Variants in VPS33B observed in about 807,000 individuals in gnomAD.
VPS33B encodes VPS33B late endosome and lysosome associated.
A neutral mutation model predicts 95.3 loss-of-function variants in VPS33B; 80 were observed. The ratio of observed to expected loss-of-function variants is 0.84; its 90% confidence interval spans 0.70 to 1.01. The LOEUF is 1.01. Ranked by LOEUF, VPS33B falls within the 50% of genes least tolerant of loss-of-function variation. The pLI is 0.00. For synonymous variants in VPS33B, 280 were observed against 280.4 expected (o/e 1.00, Z 0.01); for missense variants, 715 against 773.4 (o/e 0.92, Z 0.90).
rs1048349074 is a variant in VPS33B at position 91,007,506 on chromosome 15, G to A, written c.566C>T (p.Pro189Leu). The change falls in exon 8 of 23, where the codon CCC becomes CTC. Residue 189 changes from proline (P) to leucine (L), a missense_variant. Pro to Leu is a moderately conservative substitution (Grantham distance 98). Coordinates refer to ENST00000333371, the MANE Select transcript of VPS33B (RefSeq NM_018668.5). This position sits in a 1 kb window ranked among gnomAD's most constrained non-coding sequence, Gnocchi z 5.3. ...ALHLLSTLYG[P>L]FPNCYGIGRC... Reference sequence around the variant, plus strand: ...GCCAATTCCATAGCAGTTTGGAAAGGGTCCATAGAGAGTGCTGAGAAGGTG... The same window carrying A: ...GCCAATTCCATAGCAGTTTGGAAAGAGTCCATAGAGAGTGCTGAGAAGGTG... The A allele has an allele frequency of 1.9e-6, 3 of 1,614,072 alleles. No individual in the cohort carries two copies. The highest frequency in any genetic ancestry group is 1.3e-5 in the African/African-American group (1 of 74,910).
Position 91,015,551 on chromosome 15 carries a change from G to C in VPS33B, c.240-1118C>G, listed in dbSNP as rs570297968. Among the ~76,000 whole-genome samples the C allele has an allele frequency of 6.6e-6, 1 of 151,910 alleles. No homozygotes were observed. Among genetic ancestry groups the C allele is most frequent in the Non-Finnish European group, 1.5e-5 (1 of 67,980 alleles). On this transcript the variant is annotated intron_variant, in intron 3 of 22. Coordinates refer to ENST00000333371, the MANE Select transcript of VPS33B (RefSeq NM_018668.5). This position sits in a 1 kb window ranked among gnomAD's most constrained non-coding sequence, Gnocchi z 4.7. ...AAAAATTAGCTGGGCAAGGTGGCAGGCGCCTGTAATCACAGCTACTTGGGA... is the reference window on the plus strand; with the variant it reads ...AAAAATTAGCTGGGCAAGGTGGCAGCCGCCTGTAATCACAGCTACTTGGGA...
rs1311052826 is a variant in VPS33B, at chr15:91,011,943, T to C, written c.357+1861A>G. On this transcript the variant is annotated intron_variant, in intron 5 of 22. Coordinates refer to ENST00000333371, the MANE Select transcript of VPS33B (RefSeq NM_018668.5). The surrounding 1 kb of genome is among the most constrained non-coding windows in gnomAD (Gnocchi z 5.5). ...GGCGGAGGTTGCAGTGAGTCGAGATTGCGGCACTGCACTCCAGTCTGGGTG... is the reference window on the plus strand; with the variant it reads ...GGCGGAGGTTGCAGTGAGTCGAGATCGCGGCACTGCACTCCAGTCTGGGTG... 6.6e-6 allele frequency among the ~76,000 whole-genome samples: 1 copy of C among 151,854 alleles called. No individual in the cohort carries two copies. The highest frequency in any genetic ancestry group is 1.5e-5 in the Non-Finnish European group (1 of 67,992).
rs2040388761 is a variant in VPS33B, at chr15:90,999,976, C to T, written c.1582-1G>A. On this transcript the variant is annotated splice_acceptor_variant, in intron 20 of 22. Coordinates refer to ENST00000333371, the MANE Select transcript of VPS33B (RefSeq NM_018668.5). LOFTEE classifies it high-confidence loss of function. The surrounding 1 kb of genome is among the most constrained non-coding windows in gnomAD (Gnocchi z 5.1). ...CCTGCCAGCTTCGCCGCTCTAGCAC[C>T]TGGGAAGGTGTAAGCACTGTTTTTA... The T allele has an allele frequency of 6.2e-7, 1 of 1,614,076 alleles. No individual in the cohort carries two copies. Among genetic ancestry groups the T allele is most frequent in the African/African-American group, 1.3e-5 (1 of 74,948 alleles).
chr15:91,012,635 G>A (rs2040813079), intron 5 of VPS33B, among the ~76,000 whole-genome samples: 1 of 152,158 alleles, frequency 6.6e-6, no homozygotes, highest in Admixed American at 6.5e-5. Flanking sequence ...TCTACCTTCT[G>A]TAAGTATGCA....
At position 91,005,949 on chromosome 15, in the gene VPS33B, G is replaced by C; in HGVS notation, c.939+24C>G. 6.2e-7 allele frequency: 1 copy of C among 1,613,652 alleles called. No homozygotes were observed. On this transcript the variant is annotated intron_variant, in intron 12 of 22. Coordinates refer to ENST00000333371, the MANE Select transcript of VPS33B (RefSeq NM_018668.5). This position sits in a 1 kb window ranked among gnomAD's most constrained non-coding sequence, Gnocchi z 6.4. ...GGGAAGCCACTGAGGCAACAAAACA[G>C]AGGAGCAGGGCTTGGAGCCTCACAT...
chr15:91,022,329 G>C lies in VPS33B; in HGVS notation c.-80C>G. On this transcript the variant is annotated 5_prime_UTR_variant, in exon 1 of 23. Transcript: ENST00000333371. ...CGGCCGCAGCCCAGGGAAGCGCAAG[G>C]GGGGCTATCCTTCAGGCCTGGGCAC... 2.8e-6 allele frequency: 4 copies of C among 1,424,794 alleles called. No homozygotes were observed. The highest frequency in any genetic ancestry group is 3.8e-6 in the Non-Finnish European group (4 of 1,058,776). The allele number at this position is 1,424,794 out of a possible 1,614,324, so 88.3% of individuals were successfully genotyped here. A position where few individuals can be genotyped will look rare whatever the true frequency, so the allele number is the denominator to read the frequency against.
chr15:91,015,378 G>A lies in VPS33B; in HGVS notation c.240-945C>T, dbSNP rs2151681367. ...AATAAAATAATAATAAATAATAATA[G>A]TAAAATAAAAGAACTATAAGGCCTG... On this transcript the variant is annotated intron_variant, in intron 3 of 22. Coordinates refer to ENST00000333371, the MANE Select transcript of VPS33B (RefSeq NM_018668.5). This position sits in a 1 kb window ranked among gnomAD's most constrained non-coding sequence, Gnocchi z 4.7. Among the ~76,000 whole-genome samples the A allele has an allele frequency of 6.6e-6, 1 of 150,796 alleles. No individual in the cohort carries two copies. Among genetic ancestry groups the A allele is most frequent in the Admixed American group, 6.6e-5 (1 of 15,116 alleles).
At position 91,013,396 on chromosome 15, in the gene VPS33B, G is replaced by A. The variant is rs2040833447; in HGVS notation, c.357+408C>T. 6.6e-6 allele frequency among the ~76,000 whole-genome samples: 1 copy of A among 152,196 alleles called. No individual in the cohort carries two copies. The highest frequency in any genetic ancestry group is 1.5e-5 in the Non-Finnish European group (1 of 68,032). The stretch of plus-strand genomic sequence containing the variant: ...CCCAAAAGTTCATCTGTTGGAAACT[G>A]AATCTGCAGTGCAACAGTGTTGGGA... On this transcript the variant is annotated intron_variant, in intron 5 of 22. Coordinates refer to ENST00000333371, the MANE Select transcript of VPS33B (RefSeq NM_018668.5). The surrounding 1 kb of genome is among the most constrained non-coding windows in gnomAD (Gnocchi z 4.5).
At chr15:91,017,507 C>T (rs2040976393) in intron 2 of VPS33B, among the ~76,000 whole-genome samples, 1 of 150,150 alleles carries the variant, frequency 6.7e-6, no homozygotes, top group Admixed American at 6.7e-5. Flanking sequence ...CCTGTGGTCC[C>T]AGCTACTTGG....
chr15:91,001,483 A>G (rs1465755127), intron 18 of VPS33B, 21 bp from the exon 19 acceptor site: 1 of 1,607,054 alleles, frequency 6.2e-7, no homozygotes, highest in South Asian at 1.1e-5. Flanking sequence ...AATCTGTGTC[A>G]GGTTTCACCT....
rs1023444800 is a variant in VPS33B at position 91,009,554 on chromosome 15, C to T, written c.403+247G>A. On this transcript the variant is annotated intron_variant, in intron 6 of 22. Transcript: ENST00000333371. The surrounding 1 kb of genome is among the most constrained non-coding windows in gnomAD (Gnocchi z 4.1). ...ACTCCTGACCTCAGGTGATCCACCC[C>T]CTCGGCCTCCCAAAGTGCTGGGATT... 3.3e-5 allele frequency among the ~76,000 whole-genome samples: 5 copies of T among 152,036 alleles called. No individual in the cohort carries two copies. The highest frequency in any genetic ancestry group is 1.2e-4 in the African/African-American group (5 of 41,370).
intron 16 of VPS33B, among the ~76,000 whole-genome samples, chr15:91,003,688 T>C (rs2040511837): frequency 6.6e-6 from 1 of 152,138 alleles, no homozygotes; most frequent in South Asian, 2.1e-4. Flanking sequence ...TCCGCCTGCC[T>C]TGGCCTCCCA....
rs2040461701 is a variant in VPS33B, at chr15:91,002,307, T to C, written c.1273-125A>G. 6 of 1,377,670 alleles carry C rather than the reference T, an allele frequency of 4.4e-6. No homozygotes were observed. Among genetic ancestry groups the C allele is most frequent in the Non-Finnish European group, 5.0e-6 (5 of 998,224 alleles). The allele number at this position is 1,377,670 out of a possible 1,614,324, so 85.3% of individuals were successfully genotyped here. A position where few individuals can be genotyped will look rare whatever the true frequency, so the allele number is the denominator to read the frequency against. Reference sequence around the variant, plus strand: ...GCAGTGTGAAGGAGCTCACACTTTGTTGAGATAAATTTTCACATCAGAAAT... The same window carrying C: ...GCAGTGTGAAGGAGCTCACACTTTGCTGAGATAAATTTTCACATCAGAAAT... On this transcript the variant is annotated intron_variant, in intron 17 of 22. Coordinates refer to ENST00000333371, the MANE Select transcript of VPS33B (RefSeq NM_018668.5). The surrounding 1 kb of genome is among the most constrained non-coding windows in gnomAD (Gnocchi z 4.7).
chr15:91,004,733 C>T (rs2040548645), intron 16 of VPS33B, 144 bp downstream of exon 16: 1 of 1,062,834 alleles, frequency 9.4e-7, no homozygotes. Flanking sequence ...TGATAATTCA[C>T]CCCAAACAAA....
At chr15:91,022,084 G>A in intron 1 of VPS33B, 70 bp downstream of exon 1, 1 of 1,511,078 alleles carries the variant, frequency 6.6e-7, no homozygotes. Flanking sequence ...AAGGGGCACG[G>A]CAAGGAAGAA....
rs138372388 is a variant in VPS33B, at chr15:91,002,071, G to A, written c.1384C>T (p.Leu462=). The change falls in exon 18 of 23, where the codon CTG becomes TTG. Residue 462 remains leucine (L), a synonymous_variant. Coordinates refer to ENST00000333371, the MANE Select transcript of VPS33B (RefSeq NM_018668.5). This position sits in a 1 kb window ranked among gnomAD's most constrained non-coding sequence, Gnocchi z 4.7. The stretch of plus-strand genomic sequence containing the variant: ...TTACCTGCAGCCTTGTCGGTCACCA[G>A]CTTGCTCACTTTACTCTCCACGGCT... ...LTAVESKVSK[L]VTDKAAGKIT... is the part of the protein sequence containing the mutation. 16 of 1,614,008 alleles carry A rather than the reference G, an allele frequency of 9.9e-6. No individual in the cohort carries two copies. The African/African-American group carries it at 1.9e-4, about 19-fold the overall frequency.
intron 16 of VPS33B, among the ~76,000 whole-genome samples, chr15:91,003,667 T>C (rs1485910647): frequency 2.0e-5 from 3 of 152,062 alleles, no homozygotes; most frequent in Non-Finnish European, 2.9e-5. Context: ...CTCCAACTCC[T>C]GATCTCAAGA....
intron 5 of VPS33B, among the ~76,000 whole-genome samples, chr15:91,012,019 AC>A (rs2040795865): frequency 6.7e-6 from 1 of 149,608 alleles, no homozygotes; most frequent in African/African-American, 2.5e-5. Flanking sequence ...ACAAAACAAA[AC>A]AAGACAAGAC....
chr15:91,021,577 A>T lies in VPS33B; in HGVS notation c.96+577T>A, dbSNP rs186018060. 3.8e-3 allele frequency among the ~76,000 whole-genome samples: 581 copies of T among 152,186 alleles called. 2 individuals are homozygous for T. Among genetic ancestry groups the T allele is most frequent in the African/African-American group, 0.013 (554 of 41,542 alleles). ...GTCTCATGCCACAAATGGAAAAAAAATTTTTTTCAGTGGCTACTGTGTAAC... is the reference window on the plus strand; with the variant it reads ...GTCTCATGCCACAAATGGAAAAAAATTTTTTTTCAGTGGCTACTGTGTAAC... On this transcript the variant is annotated intron_variant, in intron 1 of 22. Transcript: ENST00000333371.
Sources: allele counts gnomAD v4.1 joint callset (sites outside exome capture counted in the v4.1 genomes callset), GRCh38; gene constraint gnomAD v4.1.1; non-coding constraint Gnocchi (gnomAD v3.1); transcripts MANE v1.5; gene names NCBI Gene and HGNC (gene_info 2026-07-23, HGNC 2026-07-21).